DLG2: variants seen among roughly 807,000 people sequenced by gnomAD.
DLG2 encodes the protein discs large MAGUK scaffold protein 2.
A neutral mutation model predicts 132.5 loss-of-function variants in DLG2; 45 were observed. That is an observed-to-expected ratio of 0.34 (90% confidence interval 0.27 to 0.44). The LOEUF (loss-of-function observed/expected upper bound fraction) is 0.44, where lower values mean the gene tolerates loss of function less well. Ranked by LOEUF, DLG2 falls within the 20% of genes least tolerant of loss-of-function variation. The probability of loss-of-function intolerance (pLI) is 1.00; values close to 1 mark genes in which losing one functional copy is unlikely to be tolerated. For missense variants in DLG2, 1,045 were observed against 1,196.9 expected (o/e 0.87, Z 1.87); for synonymous variants, 424 against 419.6 (o/e 1.01, Z -0.13).
At chr11:85,243,482 A>G (rs1381924112) in intron 4 of DLG2, among the ~76,000 whole-genome samples, 1 of 151,996 alleles carries the variant, frequency 6.6e-6, no homozygotes, top group East Asian at 1.9e-4. Context: ...AGTTTTTGCT[A>G]TGACTACAAG....
intron 6 of DLG2, among the ~76,000 whole-genome samples, chr11:85,076,393 T>C (rs746601961): frequency 5.9e-5 from 9 of 152,038 alleles, no homozygotes; most frequent in Non-Finnish European, 5.9e-5. Flanking sequence ...GAGTTCAATT[T>C]TCAAGTTTCA....
At chr11:84,520,347 T>G (rs1202112896) in intron 7 of DLG2, among the ~76,000 whole-genome samples, 1 of 152,134 alleles carries the variant, frequency 6.6e-6, no homozygotes, top group Non-Finnish European at 1.5e-5. Context: ...TTTGACATGG[T>G]TTTAATAGCC....
intron 6 of DLG2, among the ~76,000 whole-genome samples, chr11:84,808,495 T>C (rs757994917): frequency 6.6e-6 from 1 of 151,926 alleles, no homozygotes; most frequent in Non-Finnish European, 1.5e-5. Context: ...TTAAATCAGA[T>C]AATCAAGAGA....
rs1201186876 is a variant in DLG2, at chr11:84,062,239, G to A, written c.750-2755C>T. Among the ~76,000 whole-genome samples the A allele has an allele frequency of 2.6e-5, 4 of 152,266 alleles. No individual in the cohort carries two copies. The East Asian group carries it at 7.7e-4, about 29-fold the overall frequency. Reference sequence around the variant, plus strand: ...CAGCTTTAGGACTAGCAGTCAGGAGGCCTGGATTTGAGTCTCAGTTCTTCA... The same window carrying A: ...CAGCTTTAGGACTAGCAGTCAGGAGACCTGGATTTGAGTCTCAGTTCTTCA... On this transcript the variant is annotated intron_variant, in intron 10 of 27. Transcript: ENST00000376104.
Position 85,285,358 on chromosome 11 carries a change from T to C in DLG2, c.48A>G (p.Gln16=), listed in dbSNP as rs943447420. ...TTAGCAATGTCACCTCATAAAATTC[T>C]TGGATATCTGTAAAGAAAATGTAAG... ...SSLFQALLDI[Q]EFYEVTLLNS... Residue 16 remains glutamine (Q), a synonymous_variant, in exon 4 of 28, where the codon CAA becomes CAG. Coordinates refer to ENST00000376104, the MANE Select transcript of DLG2 (RefSeq NM_001142699.3). 9 of 1,610,228 alleles carry C rather than the reference T, an allele frequency of 5.6e-6. No individual in the cohort carries two copies. Among genetic ancestry groups the C allele is most frequent in the Non-Finnish European group, 6.8e-6 (8 of 1,178,056 alleles).
At chr11:83,751,022 AT>A (rs1364539727) in intron 18 of DLG2, among the ~76,000 whole-genome samples, 2 of 152,236 alleles carry the variant, frequency 1.3e-5, no homozygotes, top group African/African-American at 4.8e-5. Flanking sequence ...AGACAGAAAA[AT>A]ATGTTAGATA....
intron 8 of DLG2, among the ~76,000 whole-genome samples, chr11:84,188,909 G>A (rs1367520652): frequency 2.6e-5 from 4 of 152,152 alleles, no homozygotes; most frequent in African/African-American, 9.7e-5. Flanking sequence ...GCCCTTTGAA[G>A]TGTCACTGAT....
At chr11:85,178,786 T>C (rs2079498490) in intron 4 of DLG2, among the ~76,000 whole-genome samples, 1 of 151,688 alleles carries the variant, frequency 6.6e-6, no homozygotes, top group Non-Finnish European at 1.5e-5. Context: ...AATTGGAAGA[T>C]AGCACAAGAA....
chr11:84,301,651 C>CAAAAAAA (rs753899806), intron 7 of DLG2, among the ~76,000 whole-genome samples: 6 of 26,590 alleles, frequency 2.3e-4, no homozygotes, highest in South Asian at 1.6e-3. Flanking sequence ...AGGCGAGACT[C>CAAAAAAA]AAAAAAAAAA....
At chr11:84,464,402 A>C (rs1254703556) in intron 7 of DLG2, among the ~76,000 whole-genome samples, 4 of 151,170 alleles carry the variant, frequency 2.6e-5, no homozygotes, top group Non-Finnish European at 5.9e-5. Flanking sequence ...ATGAGTACTA[A>C]CCCTAGCTTT....
In DLG2 at chr11:83,527,404, C is replaced by T. The variant is rs528570641; in HGVS notation, c.2193+5304G>A. Among the ~76,000 whole-genome samples, 4 of 152,228 alleles carry T rather than the reference C, an allele frequency of 2.6e-5. No homozygotes were observed. The South Asian group carries it at 6.2e-4, about 24-fold the overall frequency. ...TCTATAAAGAGGAAATAAATGATTT[C>T]CTTTGAAGTCTTGTGGTGATTAAGA... On this transcript the variant is annotated intron_variant, in intron 21 of 27. Transcript: ENST00000376104.
At chr11:85,105,994 GA>G (rs61473493) in intron 6 of DLG2, among the ~76,000 whole-genome samples, 98,973 of 145,394 alleles carry the variant, frequency 0.68, 33,831 homozygotes, top group East Asian at 0.93. Flanking sequence ...ACCAAAAAAA[GA>G]AAAAAAAAAA....
At chr11:83,663,630 C>T (rs966464264) in intron 18 of DLG2, among the ~76,000 whole-genome samples, 8 of 152,244 alleles carry the variant, frequency 5.3e-5, no homozygotes, top group South Asian at 4.2e-4. Flanking sequence ...GGTTTTGTTC[C>T]GCCAGACATT....
intron 6 of DLG2, among the ~76,000 whole-genome samples, chr11:84,691,706 C>T (rs1339183081): frequency 6.6e-6 from 1 of 151,290 alleles, no homozygotes; most frequent in Non-Finnish European, 1.5e-5. Context: ...ATTAGAATTA[C>T]ATGTATATAC....
At chr11:83,789,638 C>T (rs1171119499) in intron 17 of DLG2, among the ~76,000 whole-genome samples, 1 of 152,032 alleles carries the variant, frequency 6.6e-6, no homozygotes, top group African/African-American at 2.4e-5. Flanking sequence ...GCCTCCGCCT[C>T]CTGGGTTCAA....
At chr11:84,806,392 A>C (rs2153966486) in intron 6 of DLG2, among the ~76,000 whole-genome samples, 1 of 152,328 alleles carries the variant, frequency 6.6e-6, no homozygotes, top group Non-Finnish European at 1.5e-5. Context: ...ATTATAGTCA[A>C]TTTTATGAAA....
intron 6 of DLG2, among the ~76,000 whole-genome samples, chr11:85,089,461 T>C (rs1474998870): frequency 6.6e-6 from 1 of 152,188 alleles, no homozygotes; most frequent in Non-Finnish European, 1.5e-5. Flanking sequence ...AGGAAATGAT[T>C]TAGTTCTTTT....
chr11:85,072,774 T>G (rs2066039505), intron 6 of DLG2, among the ~76,000 whole-genome samples: 1 of 151,886 alleles, frequency 6.6e-6, no homozygotes, highest in East Asian at 1.9e-4. Flanking sequence ...CTGCATGGGC[T>G]GCCAACAGTT....
intron 4 of DLG2, among the ~76,000 whole-genome samples, chr11:85,233,490 G>C (rs2075409850): frequency 6.6e-6 from 1 of 151,802 alleles, no homozygotes; most frequent in South Asian, 2.1e-4. Flanking sequence ...TTAATAACAA[G>C]AAGAAAAGCA....
Sources: gnomAD v4.1 joint callset for allele counts (sites outside exome capture counted in the v4.1 genomes callset) on GRCh38, gnomAD v4.1.1 for gene constraint, MANE v1.5 for transcripts, NCBI Gene and HGNC (gene_info 2026-07-23, HGNC 2026-07-21) for gene names.